HEATR1: variants seen among roughly 807,000 people sequenced by gnomAD.
The protein encoded by HEATR1 is HEAT repeat-containing protein 1.
Under a neutral mutation model 248.2 loss-of-function variants are expected in HEATR1, and 77 were observed. The observed-to-expected ratio is 0.31, with a 90% confidence interval of 0.26 to 0.37. The LOEUF (loss-of-function observed/expected upper bound fraction) is 0.37, where lower values mean the gene tolerates loss of function less well. Among genes scored for constraint, HEATR1 ranks in the 10% least tolerant of loss-of-function variants. The pLI, the probability that HEATR1 is intolerant of heterozygous loss-of-function variation, is 1.00. For missense variants in HEATR1, 2,420 were observed against 2,504.9 expected, an observed-to-expected ratio of 0.97 and a Z score of 0.72; for synonymous variants, 897 against 923.1, an observed-to-expected ratio of 0.97 and a Z score of 0.51.
chr1:236,562,740 T>C (rs80352841), intron 32 of HEATR1, among the ~76,000 whole-genome samples: 4,499 of 107,924 alleles, frequency 0.042, 126 homozygotes, highest in Admixed American at 0.14. Flanking sequence ...TGAGGCTTCT[T>C]CATGCGTAAA....
At chr1:236,553,217 A>C (rs1394365679) in intron 43 of HEATR1, among the ~76,000 whole-genome samples, 1 of 152,214 alleles carries the variant, frequency 6.6e-6, no homozygotes, top group Non-Finnish European at 1.5e-5. Flanking sequence ...AGTGTGGATA[A>C]ATTCAATGCA....
intron 41 of HEATR1, 149 bp from the exon 42 acceptor site, chr1:236,554,901 T>C: frequency 2.9e-6 from 2 of 687,568 alleles, no homozygotes; most frequent in Non-Finnish European, 2.4e-6. Context: ...CAGAACACAA[T>C]GGATGGTCTC....
At position 236,555,292 on chromosome 1, in the gene HEATR1, C is replaced by A; in HGVS notation, c.5923+4G>T. ...GTGACAGCTGAACTGAAGCGACCACCCACCTGTTTTGGAGATGTTCACCTG... is the reference window on the plus strand; with the variant it reads ...GTGACAGCTGAACTGAAGCGACCACACACCTGTTTTGGAGATGTTCACCTG... On this transcript the variant is annotated splice_donor_region_variant and intron_variant, in intron 41 of 44. Transcript: ENST00000366582. The A allele has an allele frequency of 3.1e-6, 5 of 1,613,788 alleles. No individual in the cohort carries two copies. The highest frequency in any genetic ancestry group is 4.2e-6 in the Non-Finnish European group (5 of 1,179,802).
chr1:236,579,279 C>G (rs975179034), intron 20 of HEATR1, among the ~76,000 whole-genome samples: 11 of 152,196 alleles, frequency 7.2e-5, no homozygotes, highest in Non-Finnish European at 1.5e-4. Flanking sequence ...TGCAATGTAT[C>G]TTTTTCACAA....
In HEATR1 at chr1:236,553,719, T is replaced by G; in HGVS notation, c.6099A>C (p.Gly2033=). 1 of 1,612,824 alleles carries G rather than the reference T, an allele frequency of 6.2e-7. No homozygotes were observed. The highest frequency in any genetic ancestry group is 8.5e-7 in the Non-Finnish European group (1 of 1,179,420). ...TCACCCGTTCCTGGAATTTCTCTTC[T>G]CCCCCAAGCCTGTTTTCCAGCTAGG... ...LVDQLENRLG[G]EEKFQERVTK... Residue 2033 remains glycine, a synonymous_variant, in exon 43 of 45, where the codon GGA becomes GGC. Transcript: ENST00000366582.
Position 236,597,955 on chromosome 1 carries a change from C to G in HEATR1, c.526G>C (p.Gly176Arg). Residue 176 changes from glycine to arginine, a missense_variant, in exon 5 of 45, where the codon GGA (glycine) becomes CGA (arginine). Physicochemically the swap from Gly to Arg is moderately radical, Grantham distance 125. Coordinates refer to ENST00000366582, the MANE Select transcript of HEATR1 (RefSeq NM_018072.6). ...TTGTAGCAGTGGGTAATCAAAGTTCCTTTAGCTAACGGCACTCCAGATTGC... is the reference window on the plus strand; with the variant it reads ...TTGTAGCAGTGGGTAATCAAAGTTCGTTTAGCTAACGGCACTCCAGATTGC... ...VKQSGVPLAK[G>R]TLITHCYKDL... 1 of 1,613,382 alleles carries G rather than the reference C, an allele frequency of 6.2e-7. No homozygotes were observed. The highest frequency in any genetic ancestry group is 8.5e-7 in the Non-Finnish European group (1 of 1,179,616).
intron 5 of HEATR1, 33 bp downstream of exon 5, chr1:236,597,845 T>G (rs761684511): frequency 1.4e-6 from 2 of 1,384,380 alleles, no homozygotes; most frequent in East Asian, 4.6e-5. Flanking sequence ...AATCTTTTCA[T>G]AAAATTATAT....
In HEATR1 at chr1:236,597,885, G is replaced by A. The variant is rs1664218029; in HGVS notation, c.596C>T (p.Ser199Phe). 6.2e-7 allele frequency: 1 copy of A among 1,610,260 alleles called. No homozygotes were observed. Among genetic ancestry groups the A allele is most frequent in the Non-Finnish European group, 8.5e-7 (1 of 1,177,068 alleles). Residue 199 changes from serine (S) to phenylalanine (F), a missense_variant, in exon 5 of 45, where the codon TCT becomes TTT. Physicochemically the swap from Ser to Phe is radical, Grantham distance 155 (BLOSUM62 -2). Transcript: ENST00000366582. ...MDFICSLVTK[S>F]VKVFAEYPGS... The stretch of plus-strand genomic sequence containing the variant: ...ATGAAACAGACTGCTCACCTTCACA[G>A]ATTTTGTCACCAAACTGCAAATGAA...
intron 20 of HEATR1, among the ~76,000 whole-genome samples, chr1:236,579,447 T>C (rs1663651248): frequency 6.6e-6 from 1 of 152,206 alleles, no homozygotes; most frequent in South Asian, 2.1e-4. Context: ...AAAACAGAAA[T>C]AGTTATCTCT....
chr1:236,596,781 C>A, intron 6 of HEATR1, 55 bp downstream of exon 6: 1 of 1,490,908 alleles, frequency 6.7e-7, no homozygotes, highest in Non-Finnish European at 9.0e-7. Context: ...CTTTCGAAAG[C>A]AAGAAAATTC....
chr1:236,571,692 G>A lies in HEATR1; in HGVS notation c.3708-6C>T, dbSNP rs1234851335. The stretch of plus-strand genomic sequence containing the variant: ...GTGGCAAGGGTTCTAAACATCTTCA[G>A]GACACCCAAAAGAGAAATGATGGGA... On this transcript the variant is annotated splice_polypyrimidine_tract_variant and splice_region_variant and intron_variant, in intron 26 of 44. Transcript: ENST00000366582. The A allele has an allele frequency of 6.3e-7, 1 of 1,580,318 alleles. No individual in the cohort carries two copies. Among genetic ancestry groups the A allele is most frequent in the Non-Finnish European group, 8.7e-7 (1 of 1,150,086 alleles).
Position 236,556,085 on chromosome 1 carries a change from C to T in HEATR1, c.5514+15G>A, listed in dbSNP as rs1201203754. Reference sequence around the variant, plus strand: ...TCTCCCTTCTCCAAAGTCTTAATACCCAATAAGATCTAACCTTCCAGTTCT... The same window carrying T: ...TCTCCCTTCTCCAAAGTCTTAATACTCAATAAGATCTAACCTTCCAGTTCT... On this transcript the variant is annotated intron_variant, in intron 38 of 44. Coordinates refer to ENST00000366582, the MANE Select transcript of HEATR1 (RefSeq NM_018072.6). The T allele has an allele frequency of 6.2e-7, 1 of 1,613,906 alleles. No homozygotes were observed. The highest frequency in any genetic ancestry group is 1.3e-5 in the African/African-American group (1 of 74,902).
In HEATR1 at chr1:236,574,223, A is replaced by T; in HGVS notation, c.3438T>A (p.Thr1146=). The part of the protein sequence containing the change: ...VNCKNSHCAQ[T]VSSVFKGISV... ...TTACCCCTTTAAAAACACTGCTGAC[A>T]GTCTGAGCACAATGTGAGTTTTTAC... is the stretch of plus-strand genomic sequence containing the variant. The change falls in exon 24 of 45, where the codon ACT becomes ACA. Residue 1146 remains threonine, a synonymous_variant. Coordinates refer to ENST00000366582, the MANE Select transcript of HEATR1 (RefSeq NM_018072.6). 1 of 1,608,700 alleles carries T rather than the reference A, an allele frequency of 6.2e-7. No individual in the cohort carries two copies. Among genetic ancestry groups the T allele is most frequent in the Admixed American group, 1.7e-5 (1 of 58,864 alleles).
At chr1:236,568,705 G>A (rs1247490068) in intron 29 of HEATR1, among the ~76,000 whole-genome samples, 2 of 152,086 alleles carry the variant, frequency 1.3e-5, no homozygotes, top group African/African-American at 2.4e-5. Context: ...TACCCCACCC[G>A]AATGATGTTA....
Position 236,603,318 on chromosome 1 carries a change from T to G in HEATR1, c.201A>C (p.Ala67=). ...GIDPSFEQFE[A]PLFSQLAKTL... ...TTTTTGCTAGCTGACTGAACAACGG[T>G]GCTTCAAACTGCTCAAAGGAAGGAT... is the stretch of plus-strand genomic sequence containing the variant. The change falls in exon 3 of 45, where the codon GCA becomes GCC. Residue 67 remains alanine (A), a synonymous_variant. Coordinates refer to ENST00000366582, the MANE Select transcript of HEATR1 (RefSeq NM_018072.6). 2 of 1,614,176 alleles carry G rather than the reference T, an allele frequency of 1.2e-6. No homozygotes were observed. Among genetic ancestry groups the G allele is most frequent in the Non-Finnish European group, 8.5e-7 (1 of 1,180,010 alleles).
At chr1:236,603,873 AAACAAG>A (rs1664394373) in intron 2 of HEATR1, 75 bp downstream of exon 2, 9 of 1,404,300 alleles carry the variant, frequency 6.4e-6, no homozygotes, top group Non-Finnish European at 8.6e-6. Flanking sequence ...ACAGAAGAGA[AAACAAG>A]GGGAAAAAAA....
Position 236,558,443 on chromosome 1 carries a change from G to C in HEATR1, c.4998C>G (p.Asn1666Lys). Residue 1666 changes from asparagine (N) to lysine (K), a missense_variant, in exon 36 of 45, where the codon AAC becomes AAG. Asn to Lys is a moderately conservative substitution (Grantham distance 94). Transcript: ENST00000366582. ...TTAAGGTATACAACGCTGTCTGTCTGTTGATTGCTTGTTCTTCTTCCCCTT... is the reference window on the plus strand; with the variant it reads ...TTAAGGTATACAACGCTGTCTGTCTCTTGATTGCTTGTTCTTCTTCCCCTT... ...KKEGEEEQAI[N>K]RQTALYTLKL... 6.2e-7 allele frequency: 1 copy of C among 1,614,194 alleles called. No individual in the cohort carries two copies. Among genetic ancestry groups the C allele is most frequent in the Non-Finnish European group, 8.5e-7 (1 of 1,180,004 alleles).
At chr1:236,571,882 C>T (rs188992467) in intron 26 of HEATR1, among the ~76,000 whole-genome samples, 196 bp from the exon 27 acceptor site, 3 of 152,198 alleles carry the variant, frequency 2.0e-5, no homozygotes, top group East Asian at 1.9e-4. Flanking sequence ...TATAGACAGG[C>T]GCTATGTCAA....
chr1:236,554,664 A>T lies in HEATR1; in HGVS notation c.6012T>A (p.Leu2004=). The stretch of plus-strand genomic sequence containing the variant: ...TACTTATAAAATGCTGGGTATCAAA[A>T]AGGAAGATTTTGTATAAACAGTTCA... ...FILNCLYKIF[L]FDTQHFISKE... Residue 2004 remains leucine, a synonymous_variant, in exon 42 of 45, where the codon CTT becomes CTA. Transcript: ENST00000366582. 6.2e-7 allele frequency: 1 copy of T among 1,613,628 alleles called. No individual in the cohort carries two copies. The highest frequency in any genetic ancestry group is 1.3e-5 in the African/African-American group (1 of 75,020).
Sources: allele counts gnomAD v4.1 joint callset (sites outside exome capture counted in the v4.1 genomes callset), GRCh38; gene constraint gnomAD v4.1.1; transcripts MANE v1.5; gene names NCBI Gene and HGNC (gene_info 2026-07-23, HGNC 2026-07-21).